The following SGMS1 variants were observed in gnomAD, a reference collection of about 807,000 sequenced individuals.
SGMS1 encodes the protein phosphatidylcholine:ceramide cholinephosphotransferase 1.
SGMS1 carries 13 observed loss-of-function variants against 46.2 expected under a neutral mutation model. The observed-to-expected ratio is 0.28, with a 90% CI of 0.18 to 0.45. SGMS1 has a LOEUF of 0.45. Ranked by LOEUF, SGMS1 falls within the 20% of genes least tolerant of loss-of-function variation. The pLI is 1.00. For synonymous variants in SGMS1, 203 were observed against 187.8 expected (o/e 1.08, Z -0.66); for missense variants, 324 against 519.9 (o/e 0.62, Z 3.66).
chr10:50,568,345 A>G (rs2131853142), intron 2 of SGMS1, among the ~76,000 whole-genome samples: 1 of 152,356 alleles, frequency 6.6e-6, no homozygotes, highest in East Asian at 1.9e-4. Flanking sequence ...GAAGAATGGA[A>G]TGAAGGAATG....
chr10:50,507,104 G>A (rs1837713683), intron 3 of SGMS1, among the ~76,000 whole-genome samples: 1 of 152,130 alleles, frequency 6.6e-6, no homozygotes, highest in Non-Finnish European at 1.5e-5. Context: ...AGATCACACA[G>A]CCCATTGGTA....
At chr10:50,348,041 A>G (rs1016780065) in intron 6 of SGMS1, among the ~76,000 whole-genome samples, 4 of 151,772 alleles carry the variant, frequency 2.6e-5, no homozygotes, top group Non-Finnish European at 5.9e-5. Flanking sequence ...CCCCTACCCT[A>G]TGACAGGCCC....
At chr10:50,399,608 T>G (rs1198231064) in intron 6 of SGMS1, among the ~76,000 whole-genome samples, 2 of 152,194 alleles carry the variant, frequency 1.3e-5, no homozygotes, top group Admixed American at 1.3e-4. Flanking sequence ...AGAATGTGTA[T>G]GAATTACCTA....
chr10:50,408,431 TAAAAAAAAAAA>T (rs71029307), intron 6 of SGMS1, among the ~76,000 whole-genome samples: 3 of 95,208 alleles, frequency 3.2e-5, no homozygotes, highest in Non-Finnish European at 4.2e-5. Context: ...CCTCATCTCT[TAAAAAAAAAAA>T]AAAAAAAAAA....
chr10:50,564,292 T>A (rs547468686), intron 2 of SGMS1, among the ~76,000 whole-genome samples: 2 of 152,228 alleles, frequency 1.3e-5, no homozygotes, highest in Non-Finnish European at 2.9e-5. Flanking sequence ...AGAGCGGGCT[T>A]CTAGAGGGCT....
intron 3 of SGMS1, among the ~76,000 whole-genome samples, chr10:50,481,039 G>A (rs1837471887): frequency 6.6e-6 from 1 of 152,218 alleles, no homozygotes; most frequent in African/African-American, 2.4e-5. Context: ...CCCATGGGGA[G>A]GGGTGGCCAC....
chr10:50,473,208 C>T (rs1837393741), intron 3 of SGMS1, among the ~76,000 whole-genome samples: 1 of 152,164 alleles, frequency 6.6e-6, no homozygotes, highest in Non-Finnish European at 1.5e-5. Flanking sequence ...CAGCCTCTGT[C>T]TGGAACAGTA....
At chr10:50,393,892 G>A (rs776553651) in intron 6 of SGMS1, among the ~76,000 whole-genome samples, 9 of 152,156 alleles carry the variant, frequency 5.9e-5, no homozygotes, top group Admixed American at 1.3e-4. Flanking sequence ...GGGATTCTTC[G>A]ATCGTGCAAG....
chr10:50,523,060 G>A (rs1160292628), intron 2 of SGMS1, among the ~76,000 whole-genome samples: 1 of 152,072 alleles, frequency 6.6e-6, no homozygotes, highest in African/African-American at 2.4e-5. Context: ...AGGAAACCAG[G>A]GCAAATGTGA....
rs1229826950 is a variant in SGMS1, at chr10:50,466,908, TTTC to T, written c.-476_-474del. The T allele has an allele frequency of 6.6e-6, 1 of 152,250 alleles. No homozygotes were observed. Among genetic ancestry groups the T allele is most frequent in the Non-Finnish European group, 1.5e-5 (1 of 68,006 alleles). 9.4% of individuals were successfully genotyped at this position (152,250 alleles called of 1,614,324 possible). A position where few individuals can be genotyped will look rare whatever the true frequency, so the allele number is the denominator to read the frequency against. On this transcript the variant is annotated 5_prime_UTR_variant, in exon 4 of 11. Coordinates refer to ENST00000361781, the MANE Select transcript of SGMS1 (RefSeq NM_147156.4). ...AGTTTACCTGAATCATGCTGTTATT[TTTC>T]TTCATCAGTCTTCTTTCCAATCTAG...
chr10:50,332,318 A>T (rs573633039), intron 7 of SGMS1, among the ~76,000 whole-genome samples: 16 of 152,174 alleles, frequency 1.1e-4, no homozygotes, highest in African/African-American at 3.6e-4. Flanking sequence ...CTCCTGGGAC[A>T]CTTGCCTGTC....
At chr10:50,562,261 C>T (rs905725705) in intron 2 of SGMS1, among the ~76,000 whole-genome samples, 3 of 152,022 alleles carry the variant, frequency 2.0e-5, no homozygotes, top group African/African-American at 7.2e-5. Context: ...GATTCCTGGC[C>T]TCCACACCTA....
chr10:50,442,182 A>G (rs1290281445), intron 5 of SGMS1, among the ~76,000 whole-genome samples: 1 of 114,616 alleles, frequency 8.7e-6, no homozygotes, highest in Non-Finnish European at 2.0e-5. Flanking sequence ...TTTCTGCTGT[A>G]GATTTTTTTT....
Position 50,612,800 on chromosome 10 carries a change from G to A in SGMS1, c.-684+10907C>T, listed in dbSNP as rs571571289. On this transcript the variant is annotated intron_variant, in intron 1 of 10. Coordinates refer to ENST00000361781, the MANE Select transcript of SGMS1 (RefSeq NM_147156.4). ...CGCGGCTCACTGCAGCCTCTGCTTC[G>A]TGGATTCAAGCAATTCTCCTGCCTC... Among the ~76,000 whole-genome samples, 10 of 152,244 alleles carry A rather than the reference G, an allele frequency of 6.6e-5. No homozygotes were observed. In the East Asian group the frequency reaches 9.7e-4, roughly 15 times the overall value.
intron 6 of SGMS1, among the ~76,000 whole-genome samples, chr10:50,355,595 A>C (rs1373712596): frequency 6.6e-6 from 1 of 152,094 alleles, no homozygotes; most frequent in Admixed American, 6.5e-5. Context: ...CCCAGGCTGG[A>C]GTGCAGTGGC....
chr10:50,482,609 C>T (rs1588848625), intron 3 of SGMS1, among the ~76,000 whole-genome samples: 1 of 152,268 alleles, frequency 6.6e-6, no homozygotes, highest in East Asian at 1.9e-4. Flanking sequence ...GTACACAAAC[C>T]AATGACACTA....
At chr10:50,500,178 T>TAACA (rs1178127069) in intron 3 of SGMS1, among the ~76,000 whole-genome samples, 1 of 151,892 alleles carries the variant, frequency 6.6e-6, no homozygotes, top group Non-Finnish European at 1.5e-5. Context: ...AAAAACAAAC[T>TAACA]AACAAACAAA....
intron 2 of SGMS1, among the ~76,000 whole-genome samples, chr10:50,547,155 T>G (rs371270897): frequency 6.6e-6 from 1 of 152,182 alleles, no homozygotes; most frequent in African/African-American, 2.4e-5. Flanking sequence ...GAGTTGTTTC[T>G]ATTGAACCAA....
chr10:50,347,810 G>T (rs779305616), intron 6 of SGMS1, among the ~76,000 whole-genome samples: 4 of 152,130 alleles, frequency 2.6e-5, no homozygotes, highest in Non-Finnish European at 5.9e-5. Context: ...TCTGATGAGA[G>T]GAAGAGTCAC....
Sources: gnomAD v4.1 joint callset for allele counts (sites outside exome capture counted in the v4.1 genomes callset) on GRCh38, gnomAD v4.1.1 for gene constraint, MANE v1.5 for transcripts, NCBI Gene and HGNC (gene_info 2026-07-23, HGNC 2026-07-21) for gene names.